Variants in NCAM1 observed in about 807,000 individuals in gnomAD.
NCAM1 encodes the protein neural cell adhesion molecule 1, also known as antigen recognized by monoclonal antibody 5.1H11.
A neutral mutation model predicts 109.8 loss-of-function variants in NCAM1; 14 were observed. That is an observed-to-expected ratio of 0.13 (90% CI 0.08 to 0.20). NCAM1 has a LOEUF of 0.20. NCAM1 is among the 10% of genes least tolerant of loss of function. The probability of loss-of-function intolerance (pLI) is 1.00; values close to 1 mark genes in which losing one functional copy is unlikely to be tolerated. For missense variants in NCAM1, 774 were observed against 1,109.9 expected (o/e 0.70, Z 4.30); for synonymous variants, 418 against 442.9 (o/e 0.94, Z 0.70).
intron 1 of NCAM1, among the ~76,000 whole-genome samples, chr11:113,127,388 T>A (rs1004610678): frequency 2.0e-5 from 3 of 152,200 alleles, no homozygotes; most frequent in African/African-American, 7.2e-5. Flanking sequence ...AGAAAACTGT[T>A]TCAGGAGTTA....
intron 1 of NCAM1, among the ~76,000 whole-genome samples, chr11:113,098,888 T>C (rs150929192): frequency 1.3e-5 from 2 of 152,274 alleles, no homozygotes; most frequent in African/African-American, 4.8e-5. Flanking sequence ...GCATAGGAGT[T>C]AGGACTGGAC....
intron 7 of NCAM1, among the ~76,000 whole-genome samples, chr11:113,212,837 C>T (rs1018379228): frequency 2.0e-4 from 31 of 152,244 alleles, no homozygotes; most frequent in African/African-American, 6.7e-4. Flanking sequence ...TCTCAAAAAT[C>T]GTACTTATTA....
chr11:113,201,824 G>C (rs1184842831), intron 1 of NCAM1, among the ~76,000 whole-genome samples: 1 of 152,162 alleles, frequency 6.6e-6, no homozygotes, highest in Non-Finnish European at 1.5e-5. Flanking sequence ...GGAAGGTGAG[G>C]GTTTACCCTT....
intron 1 of NCAM1, among the ~76,000 whole-genome samples, chr11:113,086,784 C>T (rs1207944831): frequency 3.9e-5 from 6 of 152,062 alleles, no homozygotes; most frequent in African/African-American, 1.4e-4. Flanking sequence ...TTTCCAGCTT[C>T]TGGCAGAGTC....
intron 1 of NCAM1, among the ~76,000 whole-genome samples, chr11:113,077,821 G>A (rs1183018397): frequency 1.3e-5 from 2 of 151,972 alleles, no homozygotes; most frequent in Middle Eastern, 3.4e-3. Flanking sequence ...TGAGTAGCTG[G>A]GATTACAGGC....
At chr11:113,073,931 T>C (rs1045989195) in intron 1 of NCAM1, among the ~76,000 whole-genome samples, 8 of 152,216 alleles carry the variant, frequency 5.3e-5, no homozygotes, top group African/African-American at 1.2e-4. Flanking sequence ...CTGATATTTA[T>C]GCCTCTGTAA....
At chr11:113,021,445 A>T (rs1296062493) in intron 1 of NCAM1, among the ~76,000 whole-genome samples, 1 of 152,338 alleles carries the variant, frequency 6.6e-6, no homozygotes, top group Non-Finnish European at 1.5e-5. Flanking sequence ...TTGGCTATTC[A>T]TTTGGGTTTA....
At chr11:113,162,635 T>C (rs1276357608) in intron 1 of NCAM1, among the ~76,000 whole-genome samples, 1 of 152,206 alleles carries the variant, frequency 6.6e-6, no homozygotes, top group Non-Finnish European at 1.5e-5. Flanking sequence ...TGAATTGCTG[T>C]GGAGGGATAG....
At chr11:113,232,103 A>G (rs1945027810) in intron 10 of NCAM1, 67 bp from the exon 11 acceptor site, 4 of 1,432,402 alleles carry the variant, frequency 2.8e-6, no homozygotes, top group South Asian at 1.4e-5. Flanking sequence ...TCCCAGTGCC[A>G]GGAGACAGGA....
intron 1 of NCAM1, among the ~76,000 whole-genome samples, chr11:113,095,315 C>CGTGTGTGTGTGTGTGTGTGTGT (rs147958488): frequency 6.6e-6 from 1 of 151,158 alleles, no homozygotes; most frequent in African/African-American, 2.4e-5. Context: ...TAATAGAATG[C>CGTGTGTGTGTGTGTGTGTGTGT]GTGTGTGTGT....
chr11:112,993,574 C>T (rs1555070907), intron 1 of NCAM1, among the ~76,000 whole-genome samples: 1 of 152,120 alleles, frequency 6.6e-6, no homozygotes, highest in East Asian at 1.9e-4. Flanking sequence ...CCCTGTACTC[C>T]CTTCAGCTCT....
At chr11:113,073,655 G>A (rs1368521154) in intron 1 of NCAM1, among the ~76,000 whole-genome samples, 1 of 152,154 alleles carries the variant, frequency 6.6e-6, no homozygotes. Context: ...CCATATGGAA[G>A]CATCTTGCTC....
At chr11:113,156,635 G>T (rs1418851532) in intron 1 of NCAM1, among the ~76,000 whole-genome samples, 2 of 152,186 alleles carry the variant, frequency 1.3e-5, no homozygotes, top group Non-Finnish European at 2.9e-5. Context: ...CAATAATCTT[G>T]AGGTCTAGGG....
chr11:113,230,972 G>A lies in NCAM1; in HGVS notation c.1090-673G>A, dbSNP rs146225243. Among the ~76,000 whole-genome samples the A allele has an allele frequency of 8.3e-3, 1,263 of 152,182 alleles. 8 individuals carry two copies. The highest frequency in any genetic ancestry group is 0.012 in the Admixed American group (187 of 15,270). ...GGACTATAAAATGGTGGTGGCCAAG[G>A]TGTCAAGGATCCCAGACCTGCCTAG... On this transcript the variant is annotated intron_variant, in intron 9 of 19. Transcript: ENST00000316851.
intron 1 of NCAM1, among the ~76,000 whole-genome samples, chr11:113,147,375 G>A (rs1410577217): frequency 6.6e-6 from 1 of 152,190 alleles, no homozygotes; most frequent in African/African-American, 2.4e-5. Flanking sequence ...AAACAAAAAC[G>A]GCTAGCTCAT....
intron 16 of NCAM1, among the ~76,000 whole-genome samples, chr11:113,258,081 A>T (rs549833184): frequency 1.3e-5 from 2 of 152,344 alleles, no homozygotes; most frequent in Admixed American, 6.5e-5. Context: ...GGCCTACAAC[A>T]GTTACTAGAC....
chr11:113,270,139 G>T (rs1555124960), intron 17 of NCAM1, 49 bp from the exon 18 acceptor site: 1 of 1,585,132 alleles, frequency 6.3e-7, no homozygotes. Context: ...GGGTCTGGAG[G>T]TCTCGCATCT....
intron 1 of NCAM1, among the ~76,000 whole-genome samples, chr11:113,083,969 G>A (rs1938965866): frequency 6.6e-6 from 1 of 152,184 alleles, no homozygotes. Flanking sequence ...GAAATGAGAA[G>A]AAGCTGGGGA....
chr11:113,171,224 G>T (rs555544255), intron 1 of NCAM1, among the ~76,000 whole-genome samples: 2 of 152,316 alleles, frequency 1.3e-5, no homozygotes, highest in Non-Finnish European at 2.9e-5. Flanking sequence ...AAAGCATACA[G>T]CTCTTAAGTA....
Sources: allele counts gnomAD v4.1 joint callset (sites outside exome capture counted in the v4.1 genomes callset), GRCh38; gene constraint gnomAD v4.1.1; transcripts MANE v1.5; gene names NCBI Gene and HGNC (gene_info 2026-07-23, HGNC 2026-07-21).